PPEF2: variants seen among roughly 807,000 people sequenced by gnomAD.
PPEF2 encodes serine/threonine-protein phosphatase with EF-hands 2.
Under a neutral mutation model 84.7 loss-of-function variants are expected in PPEF2, and 84 were observed. The observed-to-expected ratio is 0.99, with a 90% CI of 0.83 to 1.19. The LOEUF is 1.19. Among genes scored for constraint, PPEF2 ranks in the 50% most tolerant of loss-of-function variants. PPEF2 has a pLI of 0.00. For synonymous variants in PPEF2, 346 were observed against 345.2 expected, an observed-to-expected ratio of 1.00 and a Z score of -0.03; for missense variants, 924 against 937.5, an observed-to-expected ratio of 0.99 and a Z score of 0.19.
chr4:75,883,952 A>C (rs1724648147), intron 8 of PPEF2, among the ~76,000 whole-genome samples: 1 of 151,862 alleles, frequency 6.6e-6, no homozygotes, highest in Admixed American at 6.6e-5. Flanking sequence ...CAACATGGTG[A>C]AACCCGTCTC....
At chr4:75,893,342 A>G (rs1247284328) in intron 2 of PPEF2, among the ~76,000 whole-genome samples, 1 of 152,182 alleles carries the variant, frequency 6.6e-6, no homozygotes, top group African/African-American at 2.4e-5. Context: ...TACTAAAAAT[A>G]CAAAAATTAG....
At chr4:75,877,963 C>T (rs1437796798) in intron 10 of PPEF2, among the ~76,000 whole-genome samples, 2 of 152,096 alleles carry the variant, frequency 1.3e-5, no homozygotes, top group Non-Finnish European at 2.9e-5. Flanking sequence ...CAGGCCAGTC[C>T]TCATTGACTT....
At chr4:75,864,632 C>G in intron 15 of PPEF2, 105 bp from the exon 16 acceptor site, 2 of 926,474 alleles carry the variant, frequency 2.2e-6, no homozygotes, top group Non-Finnish European at 1.7e-6. Context: ...TTGAAAAAAC[C>G]TGAAAATATT....
chr4:75,891,983 G>T lies in PPEF2; in HGVS notation c.56-5C>A. The T allele has an allele frequency of 1.2e-6, 2 of 1,610,822 alleles. No individual in the cohort carries two copies. The highest frequency in any genetic ancestry group is 2.2e-5 in the South Asian group (2 of 91,000). On this transcript the variant is annotated splice_polypyrimidine_tract_variant and splice_region_variant and intron_variant, in intron 2 of 16. Coordinates refer to ENST00000286719, the MANE Select transcript of PPEF2 (RefSeq NM_006239.3). ...TCAGGGCTGCTGCCTTGAAGGCTAT[G>T]ACACCGATGGAGAAGCAAGCCTGTG...
In PPEF2 at chr4:75,876,269, G is replaced by C; in HGVS notation, c.1320+18C>G. Reference sequence around the variant, plus strand: ...GTTGGCAGCCACATGCTAGGAAGCAGCGCCTGGCCACGCTCACCTGCCTCC... The same window carrying C: ...GTTGGCAGCCACATGCTAGGAAGCACCGCCTGGCCACGCTCACCTGCCTCC... On this transcript the variant is annotated intron_variant, in intron 11 of 16. Coordinates refer to ENST00000286719, the MANE Select transcript of PPEF2 (RefSeq NM_006239.3). The C allele has an allele frequency of 6.4e-7, 1 of 1,571,496 alleles. No individual in the cohort carries two copies. The highest frequency in any genetic ancestry group is 2.2e-5 in the East Asian group (1 of 44,482).
chr4:75,872,983 G>T, intron 12 of PPEF2, 144 bp downstream of exon 12: 1 of 722,412 alleles, frequency 1.4e-6, no homozygotes, highest in East Asian at 2.8e-5. Flanking sequence ...TGACTGTAAA[G>T]GACCTAGTTG....
chr4:75,877,058 G>C lies in PPEF2; in HGVS notation c.934-385C>G, dbSNP rs568817019. Among the ~76,000 whole-genome samples, 9 of 150,596 alleles carry C rather than the reference G, an allele frequency of 6.0e-5. No individual in the cohort carries two copies. The East Asian group carries it at 1.7e-3, about 29-fold the overall frequency. ...AGAAAGAAAAGAAACAGAGAAGCCA[G>C]GTGCGGTGGCTCACGCCTGTAATCC... is the stretch of plus-strand genomic sequence containing the variant. On this transcript the variant is annotated intron_variant, in intron 10 of 16. Transcript: ENST00000286719.
Position 75,860,877 on chromosome 4 carries a change from G to A in PPEF2, c.2052C>T (p.Phe684=), listed in dbSNP as rs1481400361. 5 of 1,614,220 alleles carry A rather than the reference G, an allele frequency of 3.1e-6. No homozygotes were observed. The South Asian group carries it at 4.4e-5, about 14-fold the overall frequency. Residue 684 remains phenylalanine, a synonymous_variant, in exon 17 of 17, where the codon TTC becomes TTT. Transcript: ENST00000286719. ...TAATGTCGATATTCATGTGAGAGCT[G>A]AACAGCTTCCAGGTCTGCCTGAACT... ...LDEFRQTWKL[F]SSHMNIDITD...
chr4:75,897,710 G>C (rs1332390954), intron 1 of PPEF2, among the ~76,000 whole-genome samples: 1 of 152,160 alleles, frequency 6.6e-6, no homozygotes, highest in Non-Finnish European at 1.5e-5. Context: ...GGGAGGCAGA[G>C]GTTGCAGTGA....
chr4:75,874,903 T>C (rs1262163208), intron 11 of PPEF2, among the ~76,000 whole-genome samples: 4 of 118,318 alleles, frequency 3.4e-5, no homozygotes, highest in Non-Finnish European at 3.1e-5. Context: ...TCTTTCTTTC[T>C]TTTTTTTTTT....
intron 13 of PPEF2, among the ~76,000 whole-genome samples, chr4:75,867,650 G>A (rs1278230620): frequency 6.6e-6 from 1 of 152,118 alleles, no homozygotes; most frequent in Non-Finnish European, 1.5e-5. Flanking sequence ...TCTGGAGAAG[G>A]ATCACCTCTG....
At chr4:75,873,837 T>C (rs927635494) in intron 11 of PPEF2, among the ~76,000 whole-genome samples, 1 of 151,754 alleles carries the variant, frequency 6.6e-6, no homozygotes, top group Non-Finnish European at 1.5e-5. Flanking sequence ...CCAGGCATGG[T>C]GGCTAACACC....
intron 10 of PPEF2, among the ~76,000 whole-genome samples, chr4:75,882,199 C>A (rs1229573189): frequency 1.3e-5 from 2 of 152,172 alleles, no homozygotes; most frequent in African/African-American, 2.4e-5. Flanking sequence ...ATCTTTTTAT[C>A]TCTGTAACAC....
At chr4:75,868,558 T>C (rs1234600235) in intron 13 of PPEF2, among the ~76,000 whole-genome samples, 1 of 151,998 alleles carries the variant, frequency 6.6e-6, no homozygotes, top group African/African-American at 2.4e-5. Context: ...TAGCCTGGCA[T>C]GGTGGCACGT....
intron 2 of PPEF2, among the ~76,000 whole-genome samples, chr4:75,895,256 C>T (rs534334135): frequency 4.7e-5 from 7 of 149,694 alleles, no homozygotes; most frequent in African/African-American, 1.5e-4. Flanking sequence ...GGTGAAGCCC[C>T]GTCTCTACTA....
Position 75,866,296 on chromosome 4 carries a change from G to T in PPEF2, c.1813C>A (p.Leu605Met), listed in dbSNP as rs1419563795. Residue 605 changes from leucine (L) to methionine (M), a missense_variant, in exon 15 of 17, where the codon CTG becomes ATG. Coordinates refer to ENST00000286719, the MANE Select transcript of PPEF2 (RefSeq NM_006239.3). ...AAVESVLHLG[L>M]PWRMLRPQLV... is the part of the protein sequence containing the mutation. ...TGTGGCCTCAGCATCCGCCATGGCAGTCCTAGGTGCAACACAGACTCCACC... is the reference window on the plus strand; with the variant it reads ...TGTGGCCTCAGCATCCGCCATGGCATTCCTAGGTGCAACACAGACTCCACC... 1.2e-6 allele frequency: 2 copies of T among 1,614,180 alleles called. No homozygotes were observed. The highest frequency in any genetic ancestry group is 4.5e-5 in the East Asian group (2 of 44,884).
intron 5 of PPEF2, among the ~76,000 whole-genome samples, chr4:75,889,562 T>C (rs1289623157): frequency 6.6e-6 from 1 of 152,258 alleles, no homozygotes; most frequent in Non-Finnish European, 1.5e-5. Context: ...CGCCTTCTAA[T>C]ATACTGCATA....
intron 13 of PPEF2, among the ~76,000 whole-genome samples, chr4:75,869,523 T>C (rs1477070871): frequency 6.6e-6 from 1 of 152,002 alleles, no homozygotes; most frequent in Non-Finnish European, 1.5e-5. Context: ...AAAAAGTAAA[T>C]GGACTCTGAC....
At position 75,884,605 on chromosome 4, in the gene PPEF2, C is replaced by T. The variant is rs140892930; in HGVS notation, c.735G>A (p.Met245Ile). 6.3e-7 allele frequency: 1 copy of T among 1,599,328 alleles called. No individual in the cohort carries two copies. Reference sequence around the variant, plus strand: ...GTTTTGACTTGTACCGTAAGTTCACCATATGGTCCTCATGGTTTCCTCTGT... The same window carrying T: ...GTTTTGACTTGTACCGTAAGTTCACTATATGGTCCTCATGGTTTCCTCTGT... ...HLNRGNHEDH[M>I]VNLRYGFTKE... The change falls in exon 8 of 17, where the codon ATG (methionine) becomes ATA (isoleucine). Residue 245 changes from methionine to isoleucine, a missense_variant. By Grantham distance (10) the Met-to-Ile change is conservative. Transcript: ENST00000286719.
Sources: allele counts gnomAD v4.1 joint callset (sites outside exome capture counted in the v4.1 genomes callset), GRCh38; gene constraint gnomAD v4.1.1; transcripts MANE v1.5; gene names NCBI Gene and HGNC (gene_info 2026-07-23, HGNC 2026-07-21).